EYA2: variants seen among roughly 807,000 people sequenced by gnomAD.
EYA2 encodes the protein EYA transcriptional coactivator and phosphatase 2, also known as protein phosphatase EYA2.
In EYA2, 31 loss-of-function variants were observed where a neutral mutation model predicts 69.2. The observed-to-expected ratio is 0.45, with a 90% CI of 0.34 to 0.60. EYA2 has a LOEUF of 0.60. Among genes scored for constraint, EYA2 ranks in the 20% least tolerant of loss-of-function variants. EYA2 has a pLI of 0.02. For synonymous variants in EYA2, 257 were observed against 279.4 expected (o/e 0.92, Z 0.80); for missense variants, 622 against 701.2 (o/e 0.89, Z 1.28).
intron 5 of EYA2, among the ~76,000 whole-genome samples, chr20:47,017,579 T>C (rs1044846347): frequency 2.0e-5 from 3 of 152,156 alleles, no homozygotes; most frequent in Admixed American, 2.0e-4. Context: ...ATAAATAATC[T>C]TAGGTATGTG....
At chr20:46,943,399 C>T (rs1354012693) in intron 1 of EYA2, among the ~76,000 whole-genome samples, 2 of 152,222 alleles carry the variant, frequency 1.3e-5, no homozygotes, top group African/African-American at 4.8e-5. Context: ...AATGAACTTG[C>T]TCACTGCAAG....
intron 3 of EYA2, among the ~76,000 whole-genome samples, chr20:47,001,924 A>G (rs1220905923): frequency 7.7e-6 from 1 of 130,434 alleles, no homozygotes; most frequent in African/African-American, 2.9e-5. Context: ...CTTCTTTTCA[A>G]TCTCCCTTCT....
chr20:47,178,219 T>G (rs939711946), intron 12 of EYA2, among the ~76,000 whole-genome samples: 2 of 151,620 alleles, frequency 1.3e-5, no homozygotes, highest in Non-Finnish European at 2.9e-5. Flanking sequence ...TTCCAGCTAC[T>G]CAGGAGGCTA....
Position 46,944,575 on chromosome 20 carries a change from A to AGC in EYA2, c.-10-45426_-10-45425insGC, listed in dbSNP as rs1199047382. Among the ~76,000 whole-genome samples the AGC allele has an allele frequency of 8.6e-4, 115 of 133,778 alleles. 1 individual carries two copies. In the South Asian group the frequency reaches 0.019, roughly 22 times the overall value. 87.8% of individuals were successfully genotyped at this position (133,778 alleles called of 152,430 possible). On this transcript the variant is annotated intron_variant, in intron 1 of 15. Transcript: ENST00000327619. ...TCAGCACCTTCCTCTCCAAAATGAG[A>AGC]AAAACAGCACCCGCTCCATAGTGTT...
intron 1 of EYA2, among the ~76,000 whole-genome samples, chr20:46,962,966 A>T (rs1236097579): frequency 6.6e-6 from 1 of 152,238 alleles, no homozygotes. Flanking sequence ...ACCAGCCTTC[A>T]GCCAGTGCCT....
chr20:47,050,468 C>G (rs771693628), intron 5 of EYA2, among the ~76,000 whole-genome samples: 1 of 152,070 alleles, frequency 6.6e-6, no homozygotes, highest in Non-Finnish European at 1.5e-5. Context: ...AGAAAAGCAC[C>G]CACATTCGGG....
chr20:46,951,258 G>T (rs1978776783), intron 1 of EYA2, among the ~76,000 whole-genome samples: 1 of 152,152 alleles, frequency 6.6e-6, no homozygotes, highest in South Asian at 2.1e-4. Context: ...TCCACAAGGT[G>T]CCTATCATGG....
intron 1 of EYA2, among the ~76,000 whole-genome samples, chr20:46,985,863 G>A (rs914025660): frequency 3.3e-5 from 5 of 152,080 alleles, no homozygotes; most frequent in African/African-American, 1.2e-4. Context: ...TAAACCCTAG[G>A]GAGTGGGGAA....
intron 1 of EYA2, among the ~76,000 whole-genome samples, chr20:46,938,757 T>C (rs1986025453): frequency 6.6e-6 from 1 of 152,126 alleles, no homozygotes; most frequent in Non-Finnish European, 1.5e-5. Context: ...CCATATTCTA[T>C]TGGTCACACA....
At chr20:46,964,770 C>T (rs1979674902) in intron 1 of EYA2, among the ~76,000 whole-genome samples, 1 of 152,204 alleles carries the variant, frequency 6.6e-6, no homozygotes, top group Non-Finnish European at 1.5e-5. Context: ...TCACAGCGAT[C>T]ATCAAGCTGT....
At chr20:47,125,219 A>G (rs982133126) in intron 9 of EYA2, among the ~76,000 whole-genome samples, 2 of 151,778 alleles carry the variant, frequency 1.3e-5, no homozygotes, top group African/African-American at 4.8e-5. Flanking sequence ...ATGCCCGGCT[A>G]ATTTTTTTTG....
At chr20:47,187,214 C>G (rs1277567411) in intron 15 of EYA2, among the ~76,000 whole-genome samples, 4 of 151,588 alleles carry the variant, frequency 2.6e-5, no homozygotes, top group Non-Finnish European at 5.9e-5. Flanking sequence ...ACAAAAAATA[C>G]AAAAATTAGC....
chr20:47,078,704 A>C (rs751323445), intron 7 of EYA2, among the ~76,000 whole-genome samples: 7 of 152,262 alleles, frequency 4.6e-5, no homozygotes, highest in Non-Finnish European at 8.8e-5. Flanking sequence ...TGGTTACTTA[A>C]GGATTTTTTT....
At chr20:46,925,592 G>A (rs530154916) in intron 1 of EYA2, among the ~76,000 whole-genome samples, 4 of 152,236 alleles carry the variant, frequency 2.6e-5, no homozygotes, top group African/African-American at 7.2e-5. Flanking sequence ...AAATATGTTC[G>A]ATCTCACTTA....
At chr20:47,095,310 A>G (rs2032215942) in intron 8 of EYA2, among the ~76,000 whole-genome samples, 2 of 152,284 alleles carry the variant, frequency 1.3e-5, no homozygotes, top group South Asian at 4.1e-4. Context: ...AGACAGATTT[A>G]TTAAAAAATA....
At chr20:47,152,164 GC>G (rs1184747598) in intron 10 of EYA2, among the ~76,000 whole-genome samples, 1 of 151,862 alleles carries the variant, frequency 6.6e-6, no homozygotes, top group Non-Finnish European at 1.5e-5. Flanking sequence ...TCCATTTACT[GC>G]ATTTTCTTCT....
chr20:47,131,180 G>A (rs1206826), intron 9 of EYA2, among the ~76,000 whole-genome samples: 6,634 of 152,252 alleles, frequency 0.044, 410 homozygotes, highest in African/African-American at 0.14. Flanking sequence ...TTTTCACAAC[G>A]TGAGTGTTCA....
chr20:47,181,396 T>C (rs1437341025), intron 14 of EYA2, among the ~76,000 whole-genome samples: 3 of 152,186 alleles, frequency 2.0e-5, no homozygotes, highest in Non-Finnish European at 4.4e-5. Flanking sequence ...CCATCCTCAT[T>C]CTAGCAGGTC....
intron 1 of EYA2, chr20:46,979,785 G>A (rs1237681374): frequency 6.6e-6 from 1 of 152,192 alleles, no homozygotes; most frequent in Non-Finnish European, 1.5e-5. Flanking sequence ...GGAATGAAAC[G>A]AATGGTGTGT....
Sources: gnomAD v4.1 joint callset for allele counts (sites outside exome capture counted in the v4.1 genomes callset) on GRCh38, gnomAD v4.1.1 for gene constraint, MANE v1.5 for transcripts, NCBI Gene and HGNC (gene_info 2026-07-23, HGNC 2026-07-21) for gene names.